MAPKAPK5: variants seen among roughly 807,000 people sequenced by gnomAD.
The protein encoded by MAPKAPK5 is MAP kinase-activated protein kinase 5.
A neutral mutation model predicts 65.1 loss-of-function variants in MAPKAPK5; 30 were observed. That is an observed-to-expected ratio of 0.46 (90% CI 0.34 to 0.63). The LOEUF is 0.63. Among genes scored for constraint, MAPKAPK5 ranks in the 20% least tolerant of loss-of-function variants. The probability of loss-of-function intolerance (pLI) is 0.01; values close to 1 mark genes in which losing one functional copy is unlikely to be tolerated. For synonymous variants in MAPKAPK5, 179 were observed against 204.6 expected, an observed-to-expected ratio of 0.87 and a Z score of 1.07; for missense variants, 433 against 581.4, an observed-to-expected ratio of 0.74 and a Z score of 2.63.
At chr12:111,890,462 TA>T (rs2070564810) in intron 13 of MAPKAPK5, among the ~76,000 whole-genome samples, 1 of 152,142 alleles carries the variant, frequency 6.6e-6, no homozygotes, top group South Asian at 2.1e-4. Context: ...ATACCAGGAC[TA>T]TTCACCAGGT....
intron 10 of MAPKAPK5, chr12:111,887,758 C>T (rs1454138963): frequency 6.6e-6 from 1 of 152,084 alleles, no homozygotes; most frequent in African/African-American, 2.4e-5. Flanking sequence ...CAGTCACACC[C>T]CTCAGAGGTG....
Position 111,882,622 on chromosome 12 carries a change from G to T in MAPKAPK5, c.661-959G>T, listed in dbSNP as rs567213878. ...AACTAAAATAGGAGTCCTTTATGCA[G>T]TGATATAGGCCATGGAGTCACCTTA... On this transcript the variant is annotated intron_variant, in intron 8 of 13. Transcript: ENST00000550735. 7.2e-5 allele frequency among the ~76,000 whole-genome samples: 11 copies of T among 152,336 alleles called. No individual in the cohort carries two copies. The East Asian group carries it at 1.4e-3, about 19-fold the overall frequency.
chr12:111,894,780 G>GTT lies in MAPKAPK5; in HGVS notation c.*1720_*1721insTT, dbSNP rs2070739841. On this transcript the variant is annotated 3_prime_UTR_variant, in exon 14 of 14. Transcript: ENST00000550735. ...TTTTCGTGTATATGTGTGTGTGTGT[G>GTT]TGTGTGTGTGTGAAGCAGTTTTTGG... The GTT allele has an allele frequency of 6.6e-6, 1 of 151,276 alleles. No individual in the cohort carries two copies. The highest frequency in any genetic ancestry group is 1.5e-5 in the Non-Finnish European group (1 of 67,936). The allele number at this position is 151,276 out of a possible 1,614,324, so 9.4% of individuals were successfully genotyped here. A position where few individuals can be genotyped will look rare whatever the true frequency, so the allele number is the denominator to read the frequency against.
rs547014467 is a variant in MAPKAPK5 at position 111,851,648 on chromosome 12, A to G, written c.36+8879A>G. 7.9e-5 allele frequency among the ~76,000 whole-genome samples: 12 copies of G among 152,310 alleles called. No individual in the cohort carries two copies. In the South Asian group the frequency reaches 2.1e-3, roughly 26 times the overall value. ...GTCCAGGACTTTCAAGACTCATTACATGGGATACTCTGGAAAAGATTGTTA... is the reference window on the plus strand; with the variant it reads ...GTCCAGGACTTTCAAGACTCATTACGTGGGATACTCTGGAAAAGATTGTTA... On this transcript the variant is annotated intron_variant, in intron 1 of 13. Coordinates refer to ENST00000550735, the MANE Select transcript of MAPKAPK5 (RefSeq NM_003668.4).
intron 1 of MAPKAPK5, among the ~76,000 whole-genome samples, chr12:111,846,875 C>T (rs951849613): frequency 6.6e-6 from 1 of 152,042 alleles, no homozygotes; most frequent in African/African-American, 2.4e-5. Context: ...ATGAATCATC[C>T]CAGCATGTTC....
rs2070682935 is a variant in MAPKAPK5 at position 111,893,115 on chromosome 12, A to G, written c.*54A>G. ...AATTTGAAAAATTATTCTTTAATGT[A>G]TAAAGTAATTTTATGTAAATTAATA... On this transcript the variant is annotated 3_prime_UTR_variant, in exon 14 of 14. Coordinates refer to ENST00000550735, the MANE Select transcript of MAPKAPK5 (RefSeq NM_003668.4). 8.0e-7 allele frequency: 1 copy of G among 1,246,162 alleles called. No homozygotes were observed. Among genetic ancestry groups the G allele is most frequent in the Non-Finnish European group, 1.1e-6 (1 of 894,938 alleles). 77.2% of individuals were successfully genotyped at this position (1,246,162 alleles called of 1,614,324 possible). A position where few individuals can be genotyped will look rare whatever the true frequency, so the allele number is the denominator to read the frequency against.
intron 6 of MAPKAPK5, among the ~76,000 whole-genome samples, 168 bp downstream of exon 6, chr12:111,870,528 C>T (rs1326224395): frequency 6.6e-6 from 1 of 152,194 alleles, no homozygotes; most frequent in Non-Finnish European, 1.5e-5. Context: ...AGAAGCTGTA[C>T]TACTGTACTC....
At chr12:111,869,231 T>C (rs2069703917) in intron 5 of MAPKAPK5, among the ~76,000 whole-genome samples, 1 of 152,228 alleles carries the variant, frequency 6.6e-6, no homozygotes, top group Non-Finnish European at 1.5e-5. Context: ...GATTGTATGG[T>C]ATAAAAATGT....
At chr12:111,868,573 T>A (rs1383905650) in intron 4 of MAPKAPK5, among the ~76,000 whole-genome samples, 180 bp from the exon 5 acceptor site, 3 of 151,100 alleles carry the variant, frequency 2.0e-5, no homozygotes, top group East Asian at 1.9e-4. Context: ...CACATTAAAA[T>A]TTTTTTTTTC....
chr12:111,884,938 T>C lies in MAPKAPK5; in HGVS notation c.849-978T>C, dbSNP rs546239157. Among the ~76,000 whole-genome samples the C allele has an allele frequency of 1.6e-4, 24 of 152,328 alleles. 1 individual carries two copies. The South Asian group carries it at 5.0e-3, about 32-fold the overall frequency. ...TATAAAGAGGGACTGTTTTCTAAAATAGACAAGTACAAGTTTTTAGGAACG... is the reference window on the plus strand; with the variant it reads ...TATAAAGAGGGACTGTTTTCTAAAACAGACAAGTACAAGTTTTTAGGAACG... On this transcript the variant is annotated intron_variant, in intron 9 of 13. Coordinates refer to ENST00000550735, the MANE Select transcript of MAPKAPK5 (RefSeq NM_003668.4).
Position 111,842,519 on chromosome 12 carries a change from C to T in MAPKAPK5, c.-215C>T, listed in dbSNP as rs1485898991. 5.6e-5 allele frequency: 20 copies of T among 355,722 alleles called. No individual in the cohort carries two copies. The highest frequency in any genetic ancestry group is 9.6e-5 in the Admixed American group (2 of 20,938). 22.0% of individuals were successfully genotyped at this position (355,722 alleles called of 1,614,324 possible). ...CACAAAGACCTGTCCCCAGGGGCCG[C>T]CGCCTCCGCCGCTGCTGCTGCCGCC... On this transcript the variant is annotated 5_prime_UTR_variant, in exon 1 of 14. Coordinates refer to ENST00000550735, the MANE Select transcript of MAPKAPK5 (RefSeq NM_003668.4).
intron 1 of MAPKAPK5, among the ~76,000 whole-genome samples, chr12:111,847,825 T>C (rs2068953627): frequency 1.3e-5 from 2 of 152,198 alleles, no homozygotes; most frequent in African/African-American, 4.8e-5. Context: ...CTGATTTGCT[T>C]TGTCACTATA....
chr12:111,862,116 A>G (rs2069459877), intron 1 of MAPKAPK5, among the ~76,000 whole-genome samples: 1 of 146,900 alleles, frequency 6.8e-6, no homozygotes. Flanking sequence ...ATGTGAGAAA[A>G]TGTGCCAGCC....
At chr12:111,871,476 T>G (rs2069782668) in intron 7 of MAPKAPK5, among the ~76,000 whole-genome samples, 1 of 151,452 alleles carries the variant, frequency 6.6e-6, no homozygotes, top group African/African-American at 2.4e-5. Flanking sequence ...CTGTCTCTAC[T>G]AAAAAAAATA....
chr12:111,865,125 T>TGCTTATC, intron 1 of MAPKAPK5, 125 bp from the exon 2 acceptor site: 2 of 625,582 alleles, frequency 3.2e-6, no homozygotes. Flanking sequence ...CACAAAGTTC[T>TGCTTATC]GCTTATCAGA....
At position 111,874,820 on chromosome 12, in the gene MAPKAPK5, G is replaced by T. The variant is rs2069908409; in HGVS notation, c.579+3640G>T. Among the ~76,000 whole-genome samples the T allele has an allele frequency of 2.1e-5, 3 of 145,832 alleles. No individual in the cohort carries two copies. The Admixed American group carries it at 2.1e-4, about 10-fold the overall frequency. ...GATGGAGGCTTGCTCTGTTGCCCAG[G>T]CTGGAGTGCAGTGGCGCAATCTCGG... On this transcript the variant is annotated intron_variant, in intron 7 of 13. Transcript: ENST00000550735.
At chr12:111,881,739 G>T (rs1418751414) in intron 8 of MAPKAPK5, among the ~76,000 whole-genome samples, 2 of 152,104 alleles carry the variant, frequency 1.3e-5, no homozygotes, top group Non-Finnish European at 2.9e-5. Flanking sequence ...AGAGGTTTAG[G>T]GCCTCTAGAA....
chr12:111,901,701 C>T lies in MAPKAPK5; in HGVS notation c.*8640C>T, dbSNP rs1593209374. The T allele has an allele frequency of 1.1e-5, 3 of 267,334 alleles. No homozygotes were observed. Among genetic ancestry groups the T allele is most frequent in the Admixed American group, 1.0e-4 (2 of 19,648 alleles). 16.6% of individuals were successfully genotyped at this position (267,334 alleles called of 1,614,324 possible). A position where few individuals can be genotyped will look rare whatever the true frequency, so the allele number is the denominator to read the frequency against. Reference sequence around the variant, plus strand: ...GAAGAAGAGGAGGAAGAATCAGATTCCTAAGGTTAGAAATAGGGAGATGAA... The same window carrying T: ...GAAGAAGAGGAGGAAGAATCAGATTTCTAAGGTTAGAAATAGGGAGATGAA... On this transcript the variant is annotated 3_prime_UTR_variant, in exon 14 of 14. Transcript: ENST00000550735.
chr12:111,880,527 G>T lies in MAPKAPK5; in HGVS notation c.660G>T (p.Lys220Asn). The T allele has an allele frequency of 6.2e-7, 1 of 1,613,342 alleles. No individual in the cohort carries two copies. The change falls in exon 8 of 14, where the codon AAG (lysine) becomes AAT (asparagine). Residue 220 changes from lysine (K) to asparagine (N), a missense_variant and splice_region_variant. Lys to Asn is a moderately conservative substitution (Grantham distance 94). Transcript: ENST00000550735. ...PTSPTPYTYN[K>N]SCDLWSLGVI... The stretch of plus-strand genomic sequence containing the variant: ...CACCGACGCCCTACACTTACAACAA[G>T]GTACAGGAAGAGATATTTCTCTTCA...
Sources: allele counts gnomAD v4.1 joint callset (sites outside exome capture counted in the v4.1 genomes callset), GRCh38; gene constraint gnomAD v4.1.1; transcripts MANE v1.5; gene names NCBI Gene and HGNC (gene_info 2026-07-23, HGNC 2026-07-21).